The following CTNNA3 variants were observed in gnomAD, a reference collection of about 807,000 sequenced individuals.
The protein encoded by CTNNA3 is catenin alpha 3, also known as catenin alpha-3.
CTNNA3 carries 76 observed loss-of-function variants against 95.7 expected under a neutral mutation model. The observed-to-expected ratio is 0.79, with a 90% CI of 0.66 to 0.96. CTNNA3 has a LOEUF of 0.96. Among genes scored for constraint, CTNNA3 ranks in the 40% least tolerant of loss-of-function variants. The pLI, the probability that CTNNA3 is intolerant of heterozygous loss-of-function variation, is 0.00. For synonymous variants in CTNNA3, 431 were observed against 374.4 expected, an observed-to-expected ratio of 1.15 and a Z score of -1.74; for missense variants, 1,191 against 1,089.8, an observed-to-expected ratio of 1.09 and a Z score of -1.31.
chr10:67,293,670 C>CCCCTCCT (rs1839922678), intron 5 of CTNNA3, among the ~76,000 whole-genome samples: 3 of 119,382 alleles, frequency 2.5e-5, no homozygotes, highest in African/African-American at 1.0e-4. Flanking sequence ...CTCCCCCTCC[C>CCCCTCCT]CCCACCCCAC....
At chr10:66,596,122 T>C (rs1390734376) in intron 10 of CTNNA3, among the ~76,000 whole-genome samples, 1 of 151,890 alleles carries the variant, frequency 6.6e-6, no homozygotes, top group Non-Finnish European at 1.5e-5. Flanking sequence ...CTAAGGGGAT[T>C]AGCAAAATGA....
chr10:66,255,743 TA>T (rs1450339492), intron 13 of CTNNA3, among the ~76,000 whole-genome samples: 23 of 152,288 alleles, frequency 1.5e-4, no homozygotes, highest in African/African-American at 5.3e-4. Context: ...TCCTTGTCCA[TA>T]AGGTGGCAAA....
intron 5 of CTNNA3, among the ~76,000 whole-genome samples, chr10:67,377,803 T>C (rs1843754721): frequency 6.6e-6 from 1 of 152,200 alleles, no homozygotes. Flanking sequence ...TTCTAGGAGT[T>C]TGAAACTACA....
At chr10:66,988,316 T>C (rs1441958479) in intron 7 of CTNNA3, among the ~76,000 whole-genome samples, 1 of 152,200 alleles carries the variant, frequency 6.6e-6, no homozygotes, top group Admixed American at 6.5e-5. Context: ...ATTTAGCTCA[T>C]TTGGAATTTA....
intron 12 of CTNNA3, among the ~76,000 whole-genome samples, chr10:66,311,067 G>T (rs1001259536): frequency 1.3e-5 from 2 of 152,112 alleles, no homozygotes; most frequent in Admixed American, 6.6e-5. Flanking sequence ...TCAAAGTGTA[G>T]GTACAGTGTA....
At chr10:67,740,918 A>T (rs2133640761) in intron 1 of CTNNA3, among the ~76,000 whole-genome samples, 1 of 151,604 alleles carries the variant, frequency 6.6e-6, no homozygotes, top group East Asian at 1.9e-4. Flanking sequence ...CCAAATGTCC[A>T]ACAATGATAG....
chr10:67,357,040 A>G (rs1842836322), intron 5 of CTNNA3, among the ~76,000 whole-genome samples: 1 of 152,080 alleles, frequency 6.6e-6, no homozygotes, highest in South Asian at 2.1e-4. Flanking sequence ...TCAAACCTCC[A>G]ACATTTTCTC....
intron 7 of CTNNA3, among the ~76,000 whole-genome samples, chr10:66,994,576 A>G (rs1157914671): frequency 2.0e-5 from 3 of 152,322 alleles, no homozygotes; most frequent in East Asian, 3.9e-4. Context: ...ATTAAGTACC[A>G]AGGATACCTA....
At chr10:67,184,113 T>C (rs778952799) in intron 6 of CTNNA3, among the ~76,000 whole-genome samples, 4 of 152,226 alleles carry the variant, frequency 2.6e-5, no homozygotes, top group Admixed American at 6.5e-5. Flanking sequence ...GAAGCTTTCC[T>C]AAGCATTTTT....
chr10:66,997,159 C>T (rs1266935239), intron 7 of CTNNA3, among the ~76,000 whole-genome samples: 2 of 152,220 alleles, frequency 1.3e-5, no homozygotes, highest in East Asian at 1.9e-4. Flanking sequence ...TAGTGTCAAG[C>T]ATTTGGCAAA....
At chr10:66,163,684 T>C (rs938812675) in intron 13 of CTNNA3, among the ~76,000 whole-genome samples, 7 of 152,294 alleles carry the variant, frequency 4.6e-5, no homozygotes, top group African/African-American at 1.7e-4. Context: ...TATATTATTA[T>C]ATATAAGCTA....
intron 11 of CTNNA3, among the ~76,000 whole-genome samples, chr10:66,407,060 C>G (rs965139990): frequency 6.6e-6 from 1 of 151,978 alleles, no homozygotes; most frequent in Non-Finnish European, 1.5e-5. Context: ...CTAATAAATG[C>G]CTATCCTCCG....
intron 14 of CTNNA3, among the ~76,000 whole-genome samples, chr10:66,072,334 C>A (rs2080456070): frequency 1.3e-5 from 2 of 152,174 alleles, no homozygotes; most frequent in African/African-American, 4.8e-5. Context: ...TAAAACTTTC[C>A]TATGACCAGG....
intron 16 of CTNNA3, among the ~76,000 whole-genome samples, chr10:65,975,590 A>G (rs1199774705): frequency 2.0e-5 from 3 of 152,150 alleles, no homozygotes; most frequent in Non-Finnish European, 4.4e-5. Context: ...AAACGATGAA[A>G]AACAAGTCAT....
At chr10:65,954,867 G>C (rs1435177125) in intron 17 of CTNNA3, among the ~76,000 whole-genome samples, 3 of 152,092 alleles carry the variant, frequency 2.0e-5, no homozygotes, top group African/African-American at 7.2e-5. Context: ...ATGGCAATGT[G>C]GGCTCTTTTT....
chr10:67,742,311 A>G (rs532496852), intron 1 of CTNNA3, among the ~76,000 whole-genome samples: 1 of 151,464 alleles, frequency 6.6e-6, no homozygotes, highest in East Asian at 1.9e-4. Flanking sequence ...CTCTCAGACC[A>G]CGGTGCAATC....
chr10:67,249,809 T>C (rs1455372659), intron 5 of CTNNA3, among the ~76,000 whole-genome samples: 2 of 152,154 alleles, frequency 1.3e-5, no homozygotes, highest in African/African-American at 4.8e-5. Context: ...CCACACTCAT[T>C]CATACTGTGA....
At chr10:67,376,524 G>A (rs984052422) in intron 5 of CTNNA3, among the ~76,000 whole-genome samples, 2 of 152,222 alleles carry the variant, frequency 1.3e-5, no homozygotes, top group Admixed American at 1.3e-4. Context: ...AAGAATAGGT[G>A]CGTAAGGACT....
At chr10:67,513,707 C>T (rs1839713953) in intron 5 of CTNNA3, among the ~76,000 whole-genome samples, 2 of 152,196 alleles carry the variant, frequency 1.3e-5, no homozygotes, top group African/African-American at 4.8e-5. Flanking sequence ...CCTCCCAAAC[C>T]ATGAACCCCA....
Sources: allele counts gnomAD v4.1 joint callset (sites outside exome capture counted in the v4.1 genomes callset), GRCh38; gene constraint gnomAD v4.1.1; transcripts MANE v1.5; gene names NCBI Gene and HGNC (gene_info 2026-07-23, HGNC 2026-07-21).